Variants in CRPPA observed in about 807,000 individuals in gnomAD.
The protein encoded by CRPPA is D-ribitol-5-phosphate cytidylyltransferase.
CRPPA carries 43 observed loss-of-function variants against 52.0 expected under a neutral mutation model. The observed-to-expected ratio is 0.83, with a 90% CI of 0.65 to 1.07. CRPPA has a LOEUF of 1.07. Ranked by LOEUF, CRPPA falls within the 50% of genes least tolerant of loss-of-function variation. CRPPA has a pLI of 0.00. For missense variants in CRPPA, 629 were observed against 551.7 expected (o/e 1.14, Z -1.40); for synonymous variants, 250 against 203.5 (o/e 1.23, Z -1.94).
intron 2 of CRPPA, among the ~76,000 whole-genome samples, chr7:16,401,108 T>A (rs996342942): frequency 6.6e-6 from 1 of 152,212 alleles, no homozygotes; most frequent in Non-Finnish European, 1.5e-5. Context: ...CCCCAGAGGC[T>A]GAGCTGGTTC....
At chr7:16,105,513 G>A (rs932075683) in intron 9 of CRPPA, among the ~76,000 whole-genome samples, 1 of 152,112 alleles carries the variant, frequency 6.6e-6, no homozygotes, top group African/African-American at 2.4e-5. Flanking sequence ...GAAAACAGTA[G>A]TGAAAATGTC....
intron 8 of CRPPA, among the ~76,000 whole-genome samples, chr7:16,230,925 T>C (rs1318660579): frequency 2.6e-5 from 4 of 152,102 alleles, no homozygotes; most frequent in African/African-American, 9.7e-5. Flanking sequence ...GACACAAGTC[T>C]GGTGGTGGTA....
chr7:16,197,850 T>C (rs1781771596), intron 9 of CRPPA, among the ~76,000 whole-genome samples: 1 of 150,270 alleles, frequency 6.7e-6, no homozygotes, highest in African/African-American at 2.5e-5. Flanking sequence ...TCTATGACCT[T>C]ACCCCCAACC....
intron 8 of CRPPA, among the ~76,000 whole-genome samples, chr7:16,216,797 C>T (rs984605152): frequency 8.5e-5 from 13 of 152,254 alleles, no homozygotes; most frequent in African/African-American, 1.2e-4. Flanking sequence ...CCTACGCCCA[C>T]GGAGTCTCAC....
chr7:16,391,818 A>G (rs1371712662), intron 2 of CRPPA, among the ~76,000 whole-genome samples: 2 of 152,194 alleles, frequency 1.3e-5, no homozygotes, highest in Non-Finnish European at 2.9e-5. Flanking sequence ...TAAGGGTTAC[A>G]TTAGTGAATC....
chr7:16,412,548 A>C (rs541783303), intron 1 of CRPPA, among the ~76,000 whole-genome samples: 1 of 152,210 alleles, frequency 6.6e-6, no homozygotes, highest in Non-Finnish European at 1.5e-5. Flanking sequence ...GCAAGTCTTT[A>C]TAAGTACTGT....
chr7:16,114,271 G>A (rs1583365335), intron 9 of CRPPA, among the ~76,000 whole-genome samples: 2 of 148,790 alleles, frequency 1.3e-5, no homozygotes, highest in East Asian at 2.0e-4. Context: ...AGTACTGAAC[G>A]AGATCAAAGT....
chr7:16,104,218 G>A (rs79943018), intron 9 of CRPPA, among the ~76,000 whole-genome samples: 1 of 152,186 alleles, frequency 6.6e-6, no homozygotes, highest in African/African-American at 2.4e-5. Flanking sequence ...GTTCTGAATA[G>A]AGTAGTGCCA....
chr7:16,178,416 A>T (rs1205399234), intron 9 of CRPPA, among the ~76,000 whole-genome samples: 1 of 152,150 alleles, frequency 6.6e-6, no homozygotes, highest in East Asian at 1.9e-4. Flanking sequence ...TAAAATAAAG[A>T]ACTAGTAAAA....
At chr7:16,272,273 T>C (rs1393162959) in intron 6 of CRPPA, among the ~76,000 whole-genome samples, 2 of 152,226 alleles carry the variant, frequency 1.3e-5, no homozygotes, top group African/African-American at 4.8e-5. Flanking sequence ...TACTTAACTT[T>C]TTAACAACCT....
intron 2 of CRPPA, among the ~76,000 whole-genome samples, chr7:16,376,959 C>T (rs537396465): frequency 2.0e-5 from 3 of 152,192 alleles, no homozygotes; most frequent in East Asian, 1.9e-4. Context: ...TTAGTGAAAC[C>T]GCTTTAAAAT....
chr7:16,198,354 G>T (rs1781781376), intron 9 of CRPPA, among the ~76,000 whole-genome samples: 1 of 58,826 alleles, frequency 1.7e-5, no homozygotes, highest in Non-Finnish European at 3.1e-5. Context: ...AAAGCACTGA[G>T]ATGTTTATAT....
chr7:16,275,040 C>T (rs1784171784), intron 6 of CRPPA, among the ~76,000 whole-genome samples: 1 of 152,060 alleles, frequency 6.6e-6, no homozygotes, highest in South Asian at 2.1e-4. Context: ...CATGCCACTG[C>T]ACTCCAGCCT....
At chr7:16,141,839 A>C (rs1158162172) in intron 9 of CRPPA, among the ~76,000 whole-genome samples, 2 of 152,150 alleles carry the variant, frequency 1.3e-5, no homozygotes, top group African/African-American at 4.8e-5. Flanking sequence ...GCTGGGTGTC[A>C]AGCGCTCCTG....
chr7:16,170,621 G>A (rs1781160653), intron 9 of CRPPA, among the ~76,000 whole-genome samples: 1 of 152,240 alleles, frequency 6.6e-6, no homozygotes, highest in African/African-American at 2.4e-5. Context: ...TGCTGGCTAG[G>A]GCAGCTTGCT....
chr7:16,260,583 T>C (rs980178078), intron 6 of CRPPA, among the ~76,000 whole-genome samples: 1 of 152,072 alleles, frequency 6.6e-6, no homozygotes, highest in African/African-American at 2.4e-5. Context: ...TCTATGATAC[T>C]GTGTCAGGCT....
At chr7:16,315,473 G>T (rs760788620) in intron 3 of CRPPA, among the ~76,000 whole-genome samples, 1 of 152,084 alleles carries the variant, frequency 6.6e-6, no homozygotes, top group African/African-American at 2.4e-5. Flanking sequence ...CACTTTCTCA[G>T]TTCTCTGCCT....
At chr7:16,193,807 G>A (rs146250468) in intron 9 of CRPPA, among the ~76,000 whole-genome samples, 7 of 152,124 alleles carry the variant, frequency 4.6e-5, no homozygotes, top group East Asian at 3.9e-4. Context: ...CAACTCCTCC[G>A]TGCGCTTATC....
At chr7:16,334,875 C>T (rs1562638176) in intron 3 of CRPPA, among the ~76,000 whole-genome samples, 1 of 152,076 alleles carries the variant, frequency 6.6e-6, no homozygotes, top group Non-Finnish European at 1.5e-5. Context: ...GCTATCTCCT[C>T]AAACACATAG....
Sources: allele counts gnomAD v4.1 joint callset (sites outside exome capture counted in the v4.1 genomes callset), GRCh38; gene constraint gnomAD v4.1.1; transcripts MANE v1.5; gene names NCBI Gene and HGNC (gene_info 2026-07-23, HGNC 2026-07-21).